Variants in DPP10 observed in about 807,000 individuals in gnomAD.
DPP10 encodes the protein inactive dipeptidyl peptidase 10.
In DPP10, 33 loss-of-function variants were observed where a neutral mutation model predicts 120.9. The ratio of observed to expected loss-of-function variants is 0.27; its 90% CI spans 0.21 to 0.37. The LOEUF (loss-of-function observed/expected upper bound fraction) is 0.37. DPP10 is among the 10% of genes least tolerant of loss of function. DPP10 has a pLI of 1.00. For missense variants in DPP10, 816 were observed against 942.8 expected, an observed-to-expected ratio of 0.87 and a Z score of 1.76; for synonymous variants, 337 against 326.1, an observed-to-expected ratio of 1.03 and a Z score of -0.36.
intron 5 of DPP10, among the ~76,000 whole-genome samples, chr2:115,554,001 T>TCACACACACACACACACA: frequency 7.4e-6 from 1 of 135,594 alleles, no homozygotes; most frequent in South Asian, 2.5e-4. Flanking sequence ...TCTCTCTCTT[T>TCACACACACACACACACA]CACACACACA....
chr2:114,595,026 A>AG (rs1446143032), intron 1 of DPP10, among the ~76,000 whole-genome samples: 3 of 152,076 alleles, frequency 2.0e-5, no homozygotes, highest in Non-Finnish European at 2.9e-5. Flanking sequence ...TTGTAAAAAA[A>AG]CATGTTGGCC....
chr2:115,360,915 G>A (rs1574554576), intron 3 of DPP10, among the ~76,000 whole-genome samples: 1 of 152,182 alleles, frequency 6.6e-6, no homozygotes, highest in East Asian at 1.9e-4. Context: ...GTGGTACCCA[G>A]GGCCTAGAGT....
intron 19 of DPP10, among the ~76,000 whole-genome samples, chr2:115,810,370 T>C (rs184544030): frequency 1.3e-5 from 2 of 152,294 alleles, no homozygotes; most frequent in East Asian, 3.9e-4. Flanking sequence ...TTGAAACACT[T>C]TGTGAACCCG....
At chr2:115,514,809 T>TA (rs890036545) in intron 4 of DPP10, among the ~76,000 whole-genome samples, 3 of 151,850 alleles carry the variant, frequency 2.0e-5, no homozygotes, top group African/African-American at 7.2e-5. Flanking sequence ...GTATATATCA[T>TA]AAAAAATTCC....
chr2:115,170,710 A>G (rs1306743194), intron 1 of DPP10, among the ~76,000 whole-genome samples: 1 of 152,128 alleles, frequency 6.6e-6, no homozygotes, highest in Non-Finnish European at 1.5e-5. Context: ...TTCTGATCTT[A>G]GGAATTGTGT....
chr2:115,019,685 A>G (rs1213282274), intron 1 of DPP10, among the ~76,000 whole-genome samples: 1 of 152,202 alleles, frequency 6.6e-6, no homozygotes, highest in Non-Finnish European at 1.5e-5. Flanking sequence ...AATTCATTGC[A>G]AAAAGATCAT....
At chr2:115,099,596 G>A (rs2048580719) in intron 1 of DPP10, among the ~76,000 whole-genome samples, 1 of 152,126 alleles carries the variant, frequency 6.6e-6, no homozygotes, top group South Asian at 2.1e-4. Flanking sequence ...AGATTCCTAG[G>A]AGTTCAAGGC....
intron 1 of DPP10, among the ~76,000 whole-genome samples, chr2:114,818,642 A>G (rs1168194779): frequency 6.6e-6 from 1 of 152,078 alleles, no homozygotes; most frequent in Admixed American, 6.6e-5. Flanking sequence ...TGTTTTTTTA[A>G]AGAGAAGTTT....
chr2:114,799,549 G>A (rs1017051044), intron 1 of DPP10, among the ~76,000 whole-genome samples: 1 of 152,204 alleles, frequency 6.6e-6, no homozygotes, highest in Middle Eastern at 3.4e-3. Flanking sequence ...TTTTAGGCTG[G>A]GAAAAAATAG....
At chr2:114,836,821 C>T (rs1237171714) in intron 1 of DPP10, among the ~76,000 whole-genome samples, 1 of 152,166 alleles carries the variant, frequency 6.6e-6, no homozygotes, top group Non-Finnish European at 1.5e-5. Flanking sequence ...TTTAGAGACC[C>T]ACCTCAGTGA....
At chr2:114,989,256 G>T (rs1176471990) in intron 1 of DPP10, among the ~76,000 whole-genome samples, 2 of 152,102 alleles carry the variant, frequency 1.3e-5, no homozygotes, top group African/African-American at 4.8e-5. Context: ...GTCATCAGGG[G>T]TCTATGCAAG....
chr2:115,820,989 G>A (rs1307956563), intron 21 of DPP10, among the ~76,000 whole-genome samples: 1 of 152,084 alleles, frequency 6.6e-6, no homozygotes, highest in African/African-American at 2.4e-5. Flanking sequence ...ACCCAATAGT[G>A]GGATTGCTAG....
At chr2:115,672,744 CTCTT>C (rs1237552986) in intron 5 of DPP10, among the ~76,000 whole-genome samples, 1 of 145,568 alleles carries the variant, frequency 6.9e-6, no homozygotes, top group Admixed American at 7.0e-5. Context: ...CTCTCTCTCT[CTCTT>C]TCTTTCTCTT....
chr2:114,783,548 T>C (rs1682509607), intron 1 of DPP10, among the ~76,000 whole-genome samples: 1 of 152,124 alleles, frequency 6.6e-6, no homozygotes, highest in Non-Finnish European at 1.5e-5. Context: ...TTAAACTGTT[T>C]CCCATCTGCC....
intron 19 of DPP10, among the ~76,000 whole-genome samples, chr2:115,809,245 C>T (rs1686361033): frequency 6.6e-6 from 1 of 152,110 alleles, no homozygotes; most frequent in Admixed American, 6.6e-5. Context: ...GGCCCTTAGC[C>T]AATATGTGGA....
chr2:115,105,410 T>A (rs1390315506), intron 1 of DPP10, among the ~76,000 whole-genome samples: 1 of 142,478 alleles, frequency 7.0e-6, no homozygotes, highest in Non-Finnish European at 1.5e-5. Context: ...GGGGAGCAGA[T>A]GTGTCACATG....
chr2:115,178,904 T>A (rs1337043639), intron 1 of DPP10, among the ~76,000 whole-genome samples: 1 of 152,220 alleles, frequency 6.6e-6, no homozygotes, highest in Non-Finnish European at 1.5e-5. Flanking sequence ...CTACCTATTA[T>A]GGGATTGTGG....
At chr2:114,946,275 A>C (rs1697340301) in intron 1 of DPP10, among the ~76,000 whole-genome samples, 1 of 152,242 alleles carries the variant, frequency 6.6e-6, no homozygotes. Flanking sequence ...GGTGTGGACT[A>C]TATGGGAATT....
intron 1 of DPP10, among the ~76,000 whole-genome samples, chr2:114,681,263 T>C (rs1270901141): frequency 6.6e-6 from 1 of 152,028 alleles, no homozygotes; most frequent in Non-Finnish European, 1.5e-5. Flanking sequence ...AATTTATGGA[T>C]ACGTTTTGCT....
Sources: gnomAD v4.1 joint callset for allele counts (sites outside exome capture counted in the v4.1 genomes callset) on GRCh38, gnomAD v4.1.1 for gene constraint, MANE v1.5 for transcripts, NCBI Gene and HGNC (gene_info 2026-07-23, HGNC 2026-07-21) for gene names.